TBC1D5: variants seen among roughly 807,000 people sequenced by gnomAD.
TBC1D5 encodes the protein TBC1 domain family member 5, also known as TBC1 domain family, member 5.
Under a neutral mutation model 100.3 loss-of-function variants are expected in TBC1D5, and 75 were observed. That is an observed-to-expected ratio of 0.75 (90% confidence interval 0.62 to 0.91). The LOEUF (loss-of-function observed/expected upper bound fraction) is 0.91. TBC1D5 is among the 40% of genes least tolerant of loss of function. The pLI, the probability that TBC1D5 is intolerant of heterozygous loss-of-function variation, is 0.00. For synonymous variants in TBC1D5, 323 were observed against 325.6 expected (o/e 0.99, Z 0.09); for missense variants, 910 against 942.4 (o/e 0.97, Z 0.45).
At position 17,247,458 on chromosome 3, in the gene TBC1D5, T is replaced by G. The variant is rs867609508; in HGVS notation, c.1332-9039A>C. ...AAAAATACTAATTAAAAAAATACTT[T>G]ATTGCCAAAAGATGCTAATGATCAT... On this transcript the variant is annotated intron_variant, in intron 16 of 21. Coordinates refer to ENST00000253692, the Ensembl canonical transcript of TBC1D5. Among the ~76,000 whole-genome samples, 26 of 152,356 alleles carry G rather than the reference T, an allele frequency of 1.7e-4. 1 individual carries two copies. Among genetic ancestry groups the G allele is most frequent in the South Asian group, 1.0e-3 (5 of 4,822 alleles).
intron 2 of TBC1D5, among the ~76,000 whole-genome samples, chr3:17,551,859 C>T (rs1031561439): frequency 8.5e-5 from 13 of 152,190 alleles, no homozygotes; most frequent in Admixed American, 5.9e-4. Context: ...CAAAAAACAA[C>T]TGCGTATTAA....
intron 2 of TBC1D5, among the ~76,000 whole-genome samples, chr3:17,582,118 A>G (rs2096702205): frequency 6.6e-6 from 1 of 152,168 alleles, no homozygotes; most frequent in Admixed American, 6.6e-5. Context: ...AAGGTAATAC[A>G]TATTTTATTT....
intron 14 of TBC1D5, among the ~76,000 whole-genome samples, chr3:17,307,483 G>A (rs1026042481): frequency 1.3e-5 from 2 of 152,114 alleles, no homozygotes; most frequent in Admixed American, 6.6e-5. Context: ...ATGGGAACAC[G>A]TCTACCATTC....
intron 19 of TBC1D5, among the ~76,000 whole-genome samples, chr3:17,169,339 C>G (rs930745640): frequency 3.3e-5 from 5 of 152,342 alleles, no homozygotes; most frequent in East Asian, 1.9e-4. Context: ...AAAAAACACA[C>G]TTGGAGCTTG....
chr3:17,214,468 A>C (rs1381636278), intron 17 of TBC1D5, 98 bp from the exon 19 acceptor site: 29 of 1,268,472 alleles, frequency 2.3e-5, no homozygotes, highest in South Asian at 1.9e-4. Flanking sequence ...TTATGATGCC[A>C]CTAGGTTGAT....
intron 13 of TBC1D5, among the ~76,000 whole-genome samples, chr3:17,337,959 CTTGCTTTCTTA>C (rs938919963): frequency 2.0e-5 from 3 of 152,116 alleles, no homozygotes; most frequent in African/African-American, 7.2e-5. Flanking sequence ...ATTGAATTTT[CTTGCTTTCTTA>C]TTGCCAATTT....
chr3:17,413,258 C>T (rs1473462900), intron 4 of TBC1D5, among the ~76,000 whole-genome samples: 1 of 152,176 alleles, frequency 6.6e-6, no homozygotes, highest in Non-Finnish European at 1.5e-5. Flanking sequence ...GCCTTGGAAG[C>T]ACCATGCTGA....
intron 1 of TBC1D5, among the ~76,000 whole-genome samples, chr3:17,705,664 G>C (rs919724781): frequency 7.4e-6 from 1 of 134,642 alleles, no homozygotes; most frequent in Non-Finnish European, 1.6e-5. Flanking sequence ...GCCGGGCAGA[G>C]ACGCTCCTCA....
chr3:17,636,831 G>A (rs1393387053), intron 1 of TBC1D5, among the ~76,000 whole-genome samples: 1 of 151,626 alleles, frequency 6.6e-6, no homozygotes, highest in South Asian at 2.1e-4. Flanking sequence ...AGTAGCATAA[G>A]AATAGATTTA....
At chr3:17,582,877 T>C (rs2096708527) in intron 2 of TBC1D5, among the ~76,000 whole-genome samples, 1 of 152,014 alleles carries the variant, frequency 6.6e-6, no homozygotes, top group African/African-American at 2.4e-5. Context: ...GTAAGAAACC[T>C]TTTATTCTGG....
intron 3 of TBC1D5, among the ~76,000 whole-genome samples, chr3:17,480,929 A>G (rs1177994012): frequency 4.6e-5 from 7 of 152,206 alleles, no homozygotes; most frequent in Non-Finnish European, 8.8e-5. Context: ...TGGCAAGACT[A>G]AAAGAGCTAT....
chr3:17,408,346 G>T (rs151306626), intron 4 of TBC1D5, among the ~76,000 whole-genome samples: 17 of 150,480 alleles, frequency 1.1e-4, no homozygotes, highest in African/African-American at 4.2e-4. Context: ...GTCTCACTTG[G>T]TCATCAGGAT....
At chr3:17,372,610 C>A (rs995779996) in intron 12 of TBC1D5, among the ~76,000 whole-genome samples, 2 of 152,050 alleles carry the variant, frequency 1.3e-5, no homozygotes, top group East Asian at 1.9e-4. Context: ...GAACTGATAA[C>A]CCTCACAGTT....
chr3:17,229,737 C>A (rs116748108), intron 17 of TBC1D5, among the ~76,000 whole-genome samples: 1 of 152,098 alleles, frequency 6.6e-6, no homozygotes, highest in Non-Finnish European at 1.5e-5. Context: ...AGTGATGGAG[C>A]CTGAATTCAA....
intron 3 of TBC1D5, among the ~76,000 whole-genome samples, chr3:17,490,136 G>A (rs2095620159): frequency 6.6e-6 from 1 of 152,120 alleles, no homozygotes; most frequent in African/African-American, 2.4e-5. Context: ...TTGGCCACAT[G>A]TATGTCTTCT....
chr3:17,184,989 G>A (rs756268680), intron 19 of TBC1D5, 120 bp downstream of exon 20: 9 of 734,554 alleles, frequency 1.2e-5, no homozygotes, highest in Non-Finnish European at 1.7e-5. Context: ...TATAGCTGTT[G>A]TAAGGATTAA....
chr3:17,369,189 T>C (rs954991680), intron 13 of TBC1D5, among the ~76,000 whole-genome samples: 16 of 152,104 alleles, frequency 1.1e-4, no homozygotes, highest in African/African-American at 3.6e-4. Flanking sequence ...ACGGCTATTA[T>C]AAGTTTGCAG....
intron 17 of TBC1D5, among the ~76,000 whole-genome samples, chr3:17,229,739 T>C (rs779582537): frequency 5.9e-5 from 9 of 152,122 alleles, no homozygotes; most frequent in Non-Finnish European, 1.2e-4. Flanking sequence ...TGATGGAGCC[T>C]GAATTCAAAC....
At chr3:17,364,230 A>G (rs566939895) in intron 13 of TBC1D5, among the ~76,000 whole-genome samples, 1 of 152,262 alleles carries the variant, frequency 6.6e-6, no homozygotes, top group East Asian at 1.9e-4. Context: ...TTTTCACCAT[A>G]TCATATTTTG....
Sources: gnomAD v4.1 joint callset for allele counts (sites outside exome capture counted in the v4.1 genomes callset) on GRCh38, gnomAD v4.1.1 for gene constraint, MANE v1.5 for transcripts, NCBI Gene and HGNC (gene_info 2026-07-23, HGNC 2026-07-21) for gene names.